TSC22D1: variants seen among roughly 807,000 people sequenced by gnomAD.
TSC22D1 encodes TSC22 domain family member 1, also known as TSC22 domain family protein 1.
Under a neutral mutation model 74.2 loss-of-function variants are expected in TSC22D1, and 9 were observed. That is an observed-to-expected ratio of 0.12 (90% CI 0.07 to 0.21). The LOEUF (loss-of-function observed/expected upper bound fraction) is 0.21. TSC22D1 is among the 10% of genes least tolerant of loss of function. The pLI is 1.00. For synonymous variants in TSC22D1, 586 were observed against 492.5 expected, an observed-to-expected ratio of 1.19 and a Z score of -2.51; for missense variants, 1,427 against 1,304.7, an observed-to-expected ratio of 1.09 and a Z score of -1.44.
chr13:44,476,092 G>A (rs921747059), intron 1 of TSC22D1, among the ~76,000 whole-genome samples: 1 of 152,084 alleles, frequency 6.6e-6, no homozygotes, highest in African/African-American at 2.4e-5. Context: ...ATTAGGTGGG[G>A]GCTACATGGA....
At chr13:44,477,838 T>C (rs1175091026) in intron 1 of TSC22D1, among the ~76,000 whole-genome samples, 1 of 152,018 alleles carries the variant, frequency 6.6e-6, no homozygotes, top group Non-Finnish European at 1.5e-5. Context: ...AGACAGGATT[T>C]CACCTTGGTG....
intron 1 of TSC22D1, among the ~76,000 whole-genome samples, chr13:44,503,973 C>T (rs1879327444): frequency 1.3e-5 from 2 of 151,976 alleles, no homozygotes; most frequent in South Asian, 2.1e-4. Flanking sequence ...ATAAAGATTA[C>T]ATTCTTAACT....
chr13:44,550,089 A>C (rs370586801), intron 1 of TSC22D1, among the ~76,000 whole-genome samples: 1 of 152,220 alleles, frequency 6.6e-6, no homozygotes, highest in East Asian at 1.9e-4. Flanking sequence ...AGAAAATGAA[A>C]AGGTATTAAG....
Position 44,574,557 on chromosome 13 carries a change from T to C in TSC22D1, c.1518A>G (p.Gln506=), listed in dbSNP as rs148625973. 9.1e-5 allele frequency: 146 copies of C among 1,603,524 alleles called. No individual in the cohort carries two copies. The African/African-American group carries it at 1.2e-3, about 13-fold the overall frequency. Residue 506 remains glutamine, a synonymous_variant, in exon 1 of 3, where the codon CAA becomes CAG. Coordinates refer to ENST00000458659, the MANE Select transcript of TSC22D1 (RefSeq NM_183422.4). ...VQQQQQQQQQ[Q]QQQPALQGVT... is the part of the protein sequence containing the mutation. Reference sequence around the variant, plus strand: ...CACCTTGGAGAGCTGGTTGTTGCTGTTGTTGTTGTTGTTGCTGCTGCTGCT... The same window carrying C: ...CACCTTGGAGAGCTGGTTGTTGCTGCTGTTGTTGTTGTTGCTGCTGCTGCT...
intron 1 of TSC22D1, among the ~76,000 whole-genome samples, chr13:44,453,576 T>C (rs1433292947): frequency 6.6e-6 from 1 of 152,238 alleles, no homozygotes; most frequent in East Asian, 1.9e-4. Context: ...AGGAGACATA[T>C]GTTTAACAAA....
At chr13:44,537,264 A>G (rs1226237644) in intron 1 of TSC22D1, 1 of 954,846 alleles carries the variant, frequency 1.0e-6, no homozygotes, top group Non-Finnish European at 1.2e-6. Flanking sequence ...ACTCAAAGGT[A>G]AATTCACCAA....
At chr13:44,450,415 G>A (rs1393009987) in intron 1 of TSC22D1, among the ~76,000 whole-genome samples, 1 of 152,202 alleles carries the variant, frequency 6.6e-6, no homozygotes, top group African/African-American at 2.4e-5. Flanking sequence ...GGGTTTAAAG[G>A]GGGCAAATGA....
chr13:44,456,527 A>G (rs1876659867), intron 1 of TSC22D1, among the ~76,000 whole-genome samples: 1 of 152,166 alleles, frequency 6.6e-6, no homozygotes, highest in Non-Finnish European at 1.5e-5. Context: ...TCCTTTACCT[A>G]GACAGAAAAG....
At chr13:44,480,192 A>C (rs1034585973) in intron 1 of TSC22D1, among the ~76,000 whole-genome samples, 9 of 152,256 alleles carry the variant, frequency 5.9e-5, no homozygotes, top group Non-Finnish European at 1.2e-4. Context: ...GAGCAACTGT[A>C]AAAGACAAAG....
intron 1 of TSC22D1, among the ~76,000 whole-genome samples, chr13:44,484,971 A>G (rs1474502929): frequency 1.3e-5 from 2 of 152,244 alleles, no homozygotes; most frequent in Non-Finnish European, 2.9e-5. Flanking sequence ...CATTTACAAA[A>G]TGAAAGTAAA....
intron 1 of TSC22D1, chr13:44,452,833 T>G (rs896135134): frequency 6.6e-6 from 1 of 152,266 alleles, no homozygotes; most frequent in Non-Finnish European, 1.5e-5. Flanking sequence ...GTAAGGTAAG[T>G]GCTTGGCTAA....
At chr13:44,557,739 A>G (rs1373524579) in intron 1 of TSC22D1, among the ~76,000 whole-genome samples, 2 of 152,212 alleles carry the variant, frequency 1.3e-5, no homozygotes, top group Non-Finnish European at 2.9e-5. Context: ...ATTTTAATAG[A>G]ATTTTAATTT....
chr13:44,575,180 T>G lies in TSC22D1; in HGVS notation c.895A>C (p.Thr299Pro), dbSNP rs780702050. The change falls in exon 1 of 3, where the codon ACA (threonine) becomes CCA (proline). Residue 299 changes from threonine to proline, a missense_variant. Thr to Pro is a conservative substitution (Grantham distance 38, BLOSUM62 -1). Coordinates refer to ENST00000458659, the MANE Select transcript of TSC22D1 (RefSeq NM_183422.4). ...ACAGAATTTATACCTATTCCACCTGTAGTACTTGGAGCACGCATATTAGTC... is the reference window on the plus strand; with the variant it reads ...ACAGAATTTATACCTATTCCACCTGGAGTACTTGGAGCACGCATATTAGTC... The part of the protein sequence containing the change: ...VMTNMRAPST[T>P]GGIGINSVTG... 2 of 1,614,098 alleles carry G rather than the reference T, an allele frequency of 1.2e-6. No individual in the cohort carries two copies. Among genetic ancestry groups the G allele is most frequent in the Admixed American group, 1.7e-5 (1 of 60,034 alleles).
At position 44,517,829 on chromosome 13, in the gene TSC22D1, GTATATATA is replaced by G. The variant is rs1555269397; in HGVS notation, c.2912+55326_2912+55333del. ...CATATATATGTGTGTGTGTGTGTGT[GTATATATA>G]TATATATATATATATATATATTTTT... is the stretch of plus-strand genomic sequence containing the variant. On this transcript the variant is annotated intron_variant, in intron 1 of 2. Transcript: ENST00000458659. Among the ~76,000 whole-genome samples the G allele has an allele frequency of 4.1e-3, 58 of 14,132 alleles. 1 individual carries two copies. Among genetic ancestry groups the G allele is most frequent in the Non-Finnish European group, 7.4e-3 (49 of 6,586 alleles). 9.3% of individuals were successfully genotyped at this position (14,132 alleles called of 152,430 possible). A position where few individuals can be genotyped will look rare whatever the true frequency, so the allele number is the denominator to read the frequency against.
Position 44,434,621 on chromosome 13 carries a change from G to A in TSC22D1, c.*5C>T, listed in dbSNP as rs370307101. On this transcript the variant is annotated 3_prime_UTR_variant, in exon 3 of 3. Coordinates refer to ENST00000458659, the MANE Select transcript of TSC22D1 (RefSeq NM_183422.4). ...CAGCAGCCAGTTCTGCGGGGGCATA[G>A]GCAGCTATGCGGTTGGTCCTGAGCC... is the stretch of plus-strand genomic sequence containing the variant. The A allele has an allele frequency of 2.0e-5, 31 of 1,521,424 alleles. No homozygotes were observed. In the African/African-American group the frequency reaches 4.0e-4, roughly 20 times the overall value. The allele number at this position is 1,521,424 out of a possible 1,614,324, so 94.2% of individuals were successfully genotyped here.
intron 1 of TSC22D1, among the ~76,000 whole-genome samples, chr13:44,499,021 G>A (rs953185463): frequency 1.1e-4 from 17 of 152,022 alleles, no homozygotes; most frequent in African/African-American, 3.9e-4. Flanking sequence ...CCTTTAATTA[G>A]TTTAGAAAAT....
In TSC22D1 at chr13:44,575,286, A is replaced by G; in HGVS notation, c.789T>C (p.Ser263=). Residue 263 remains serine (S), a synonymous_variant, in exon 1 of 3, where the codon TCT becomes TCC. Coordinates refer to ENST00000458659, the MANE Select transcript of TSC22D1 (RefSeq NM_183422.4). The stretch of plus-strand genomic sequence containing the variant: ...TGATACTGTCAGAGCTTCCAGTTGT[A>G]GAGAGTTTTCTAGATACTGGGCTTG... ...PPSSPVSRKL[S]TTGSSDSITP... 1.2e-6 allele frequency: 2 copies of G among 1,614,176 alleles called. No individual in the cohort carries two copies. The highest frequency in any genetic ancestry group is 1.7e-6 in the Non-Finnish European group (2 of 1,180,046).
chr13:44,525,795 C>CAAAAAAAAAAAAAAAAAAA (rs59399056), intron 1 of TSC22D1, among the ~76,000 whole-genome samples: 2 of 88,550 alleles, frequency 2.3e-5, no homozygotes, highest in Non-Finnish European at 5.1e-5. Flanking sequence ...TAGCTTTTAA[C>CAAAAAAAAAAAAAAAAAAA]AAAAAAAAAA....
intron 1 of TSC22D1, among the ~76,000 whole-genome samples, chr13:44,513,631 A>G (rs1879839575): frequency 6.6e-6 from 1 of 152,240 alleles, no homozygotes; most frequent in Admixed American, 6.5e-5. Flanking sequence ...ACAGAGATCC[A>G]CTTATAAACC....
Sources: allele counts gnomAD v4.1 joint callset (sites outside exome capture counted in the v4.1 genomes callset), GRCh38; gene constraint gnomAD v4.1.1; transcripts MANE v1.5; gene names NCBI Gene and HGNC (gene_info 2026-07-23, HGNC 2026-07-21).